Variants in TMEFF2 observed in about 807,000 individuals in gnomAD.
The protein encoded by TMEFF2 is transmembrane protein with EGF like and two follistatin like domains 2.
TMEFF2 carries 28 observed loss-of-function variants against 53.8 expected under a neutral mutation model. The ratio of observed to expected loss-of-function variants is 0.52; its 90% CI spans 0.39 to 0.71. The LOEUF (loss-of-function observed/expected upper bound fraction) is 0.71, where lower values mean the gene tolerates loss of function less well. TMEFF2 is among the 30% of genes least tolerant of loss of function. TMEFF2 has a pLI of 0.00. For missense variants in TMEFF2, 353 were observed against 455.2 expected, an observed-to-expected ratio of 0.78 and a Z score of 2.04; for synonymous variants, 162 against 166.3, an observed-to-expected ratio of 0.97 and a Z score of 0.20.
chr2:192,137,282 G>A (rs763592245), intron 4 of TMEFF2, among the ~76,000 whole-genome samples: 69 of 152,106 alleles, frequency 4.5e-4, no homozygotes, highest in Non-Finnish European at 8.7e-4. Context: ...TTTTAACAGG[G>A]GAAGTGAAGG....
intron 4 of TMEFF2, chr2:192,179,073 C>T (rs1008947201): frequency 2.1e-4 from 31 of 150,776 alleles, no homozygotes; most frequent in African/African-American, 7.3e-4. Context: ...CTTCCCTAAA[C>T]AAAACTAAAT....
intron 4 of TMEFF2, among the ~76,000 whole-genome samples, chr2:192,112,024 A>G (rs573444574): frequency 2.6e-5 from 4 of 152,356 alleles, no homozygotes; most frequent in African/African-American, 9.6e-5. Context: ...AGCCTGCTGC[A>G]TGGATGGAGA....
At chr2:192,135,813 C>T (rs958513940) in intron 4 of TMEFF2, among the ~76,000 whole-genome samples, 6 of 151,646 alleles carry the variant, frequency 4.0e-5, no homozygotes, top group Admixed American at 2.0e-4. Flanking sequence ...TGACACTCCA[C>T]CACTGTGATT....
intron 4 of TMEFF2, among the ~76,000 whole-genome samples, chr2:192,136,313 CAAGA>C (rs1690006921): frequency 1.3e-5 from 2 of 152,108 alleles, no homozygotes; most frequent in South Asian, 4.1e-4. Flanking sequence ...AATGATAAGA[CAAGA>C]AAGAGATTTC....
intron 5 of TMEFF2, among the ~76,000 whole-genome samples, chr2:192,049,396 G>A (rs990090234): frequency 6.6e-6 from 1 of 152,094 alleles, no homozygotes; most frequent in African/African-American, 2.4e-5. Context: ...GGATTAAATG[G>A]CTCTATAAAT....
intron 4 of TMEFF2, chr2:192,177,784 A>AT (rs1289647386): frequency 1.3e-5 from 2 of 151,046 alleles, no homozygotes; most frequent in Non-Finnish European, 3.0e-5. Context: ...GATTAAAATT[A>AT]TTTCCTGAAA....
At chr2:192,092,436 CA>C (rs888613883) in intron 4 of TMEFF2, among the ~76,000 whole-genome samples, 1 of 151,744 alleles carries the variant, frequency 6.6e-6, no homozygotes, top group Non-Finnish European at 1.5e-5. Flanking sequence ...TAAAAACTGC[CA>C]AAAAAATGAT....
chr2:192,015,766 G>A (rs1048303977), intron 5 of TMEFF2, among the ~76,000 whole-genome samples: 4 of 152,156 alleles, frequency 2.6e-5, no homozygotes, highest in African/African-American at 9.7e-5. Flanking sequence ...TGTGGAAAGT[G>A]GAACCAGAGC....
intron 4 of TMEFF2, among the ~76,000 whole-genome samples, chr2:192,096,264 A>C (rs371610196): frequency 1.3e-5 from 2 of 152,252 alleles, no homozygotes; most frequent in East Asian, 3.9e-4. Context: ...ATATAAAGAG[A>C]TTTTCAACTG....
rs1172174693 is a variant in TMEFF2, at chr2:191,964,252, CCTT to C, written c.746-7877_746-7875del. The stretch of plus-strand genomic sequence containing the variant: ...TCTTTCCTTCCTTCCTTCCTTCCTT[CCTT>C]CCTCCTTTCTTTTCTTTTTTCTTTT... On this transcript the variant is annotated intron_variant, in intron 7 of 9. Transcript: ENST00000272771. Among the ~76,000 whole-genome samples the C allele has an allele frequency of 3.9e-3, 252 of 64,698 alleles. 8 individuals are homozygous for C. The highest frequency in any genetic ancestry group is 9.5e-3 in the South Asian group (11 of 1,154). The allele number at this position is 64,698 out of a possible 152,430, so 42.4% of individuals were successfully genotyped here. A position where few individuals can be genotyped will look rare whatever the true frequency, so the allele number is the denominator to read the frequency against.
At chr2:192,168,025 T>C (rs922741441) in intron 4 of TMEFF2, among the ~76,000 whole-genome samples, 5 of 152,110 alleles carry the variant, frequency 3.3e-5, no homozygotes, top group African/African-American at 1.2e-4. Context: ...GGTTGAGTCT[T>C]TACTTTCAGT....
At chr2:192,157,501 AG>A (rs1312798908) in intron 4 of TMEFF2, among the ~76,000 whole-genome samples, 1 of 152,106 alleles carries the variant, frequency 6.6e-6, no homozygotes, top group Non-Finnish European at 1.5e-5. Context: ...AAAACAAAAT[AG>A]CTCACAAGAA....
At chr2:192,163,985 T>C (rs930602000) in intron 4 of TMEFF2, among the ~76,000 whole-genome samples, 2 of 152,208 alleles carry the variant, frequency 1.3e-5, no homozygotes, top group African/African-American at 4.8e-5. Flanking sequence ...GTTGCCACCA[T>C]ATTATTCAGG....
intron 3 of TMEFF2, among the ~76,000 whole-genome samples, chr2:192,180,537 T>C (rs543288626): frequency 5.3e-5 from 8 of 151,800 alleles, no homozygotes; most frequent in African/African-American, 1.9e-4. Context: ...ATACATTTGG[T>C]TATGTATTTT....
chr2:192,106,077 A>T (rs1689137914), intron 4 of TMEFF2, among the ~76,000 whole-genome samples: 1 of 151,870 alleles, frequency 6.6e-6, no homozygotes, highest in African/African-American at 2.4e-5. Flanking sequence ...GCTAATGATT[A>T]AATTACATAA....
intron 5 of TMEFF2, among the ~76,000 whole-genome samples, chr2:192,051,598 A>G (rs969365003): frequency 2.0e-5 from 3 of 152,194 alleles, no homozygotes; most frequent in Non-Finnish European, 2.9e-5. Context: ...AAAGGTACTA[A>G]AGTCAGCAAG....
intron 4 of TMEFF2, among the ~76,000 whole-genome samples, chr2:192,151,629 C>G (rs938608577): frequency 2.6e-5 from 4 of 151,660 alleles, no homozygotes; most frequent in African/African-American, 9.7e-5. Flanking sequence ...GTTTAGTCCC[C>G]CAGACTAGAA....
At chr2:192,158,653 A>C (rs1690563288) in intron 4 of TMEFF2, among the ~76,000 whole-genome samples, 1 of 152,014 alleles carries the variant, frequency 6.6e-6, no homozygotes, top group Non-Finnish European at 1.5e-5. Context: ...ATTACTCCAC[A>C]CTTTAAAACC....
chr2:191,953,364 A>G (rs1026179148), intron 9 of TMEFF2, among the ~76,000 whole-genome samples: 1 of 152,218 alleles, frequency 6.6e-6, no homozygotes, highest in African/African-American at 2.4e-5. Flanking sequence ...TGTGTTTGTT[A>G]TTATACCAAG....
Sources: allele counts gnomAD v4.1 joint callset (sites outside exome capture counted in the v4.1 genomes callset), GRCh38; gene constraint gnomAD v4.1.1; transcripts MANE v1.5; gene names NCBI Gene and HGNC (gene_info 2026-07-23, HGNC 2026-07-21).